The following PCDHA1 variants were observed in gnomAD, a reference collection of about 807,000 sequenced individuals.
PCDHA1 encodes protocadherin alpha-1.
Under a neutral mutation model 61.3 loss-of-function variants are expected in PCDHA1, and 42 were observed. That is an observed-to-expected ratio of 0.69 (90% CI 0.54 to 0.89). PCDHA1 has a LOEUF of 0.89. Ranked by LOEUF, PCDHA1 falls within the 40% of genes least tolerant of loss-of-function variation. PCDHA1 has a pLI of 0.00. For synonymous variants in PCDHA1, 610 were observed against 553.8 expected, an observed-to-expected ratio of 1.10 and a Z score of -1.43; for missense variants, 1,256 against 1,235.3, an observed-to-expected ratio of 1.02 and a Z score of -0.25.
At chr5:140,975,352 T>G (rs2096663445) in intron 1 of PCDHA1, among the ~76,000 whole-genome samples, 1 of 152,256 alleles carries the variant, frequency 6.6e-6, no homozygotes, top group African/African-American at 2.4e-5. Flanking sequence ...TAAAGCCAAC[T>G]GTGCTACATA....
intron 1 of PCDHA1, among the ~76,000 whole-genome samples, chr5:140,886,340 G>A (rs2060950327): frequency 6.6e-6 from 1 of 151,864 alleles, no homozygotes; most frequent in East Asian, 1.9e-4. Flanking sequence ...TGTGCAGAAC[G>A]TGCAGGTTTG....
intron 1 of PCDHA1, among the ~76,000 whole-genome samples, chr5:140,948,360 C>T (rs1258504765): frequency 6.6e-6 from 1 of 151,494 alleles, no homozygotes; most frequent in Non-Finnish European, 1.5e-5. Context: ...AATAAAATGA[C>T]TTAGGAGGTG....
intron 1 of PCDHA1, chr5:140,823,247 A>G: frequency 6.2e-7 from 1 of 1,613,366 alleles, no homozygotes; most frequent in Non-Finnish European, 8.5e-7. Context: ...CTGGTGTCCT[A>G]CTCGCTGGTG....
At chr5:140,884,908 T>C (rs1056953779) in intron 1 of PCDHA1, among the ~76,000 whole-genome samples, 1 of 152,234 alleles carries the variant, frequency 6.6e-6, no homozygotes, top group Admixed American at 6.5e-5. Flanking sequence ...TGTTGTATTC[T>C]TAATAGTTCT....
intron 1 of PCDHA1, chr5:140,803,159 C>G (rs200661884): frequency 3.7e-6 from 6 of 1,613,894 alleles, no homozygotes; most frequent in Non-Finnish European, 5.1e-6. Context: ...TGAAGGACCA[C>G]GGTGAACCCT....
At chr5:140,836,949 T>C in intron 1 of PCDHA1, 1 of 431,294 alleles carries the variant, frequency 2.3e-6, no homozygotes, top group Non-Finnish European at 4.0e-6. Context: ...TCAAAATCTA[T>C]GGTTTATGTT....
chr5:140,829,430 G>T, intron 1 of PCDHA1: 1 of 1,614,092 alleles, frequency 6.2e-7, no homozygotes, highest in Non-Finnish European at 8.5e-7. Flanking sequence ...GGAGGTGGCC[G>T]ACATGAATGA....
chr5:140,788,045 G>A lies in PCDHA1; in HGVS notation c.1755G>A (p.Val585=). The A allele has an allele frequency of 6.2e-7, 1 of 1,614,046 alleles. No individual in the cohort carries two copies. Among genetic ancestry groups the A allele is most frequent in the South Asian group, 1.1e-5 (1 of 91,084 alleles). ...GAVSELVPRL[V]GAGHVVAKVR... ...TCAGTGAGCTGGTGCCGCGATTGGT[G>A]GGTGCGGGTCATGTGGTGGCGAAGG... Residue 585 remains valine (V), a synonymous_variant, in exon 1 of 4, where the codon GTG becomes GTA. Coordinates refer to ENST00000504120, the MANE Select transcript of PCDHA1 (RefSeq NM_018900.4).
intron 1 of PCDHA1, among the ~76,000 whole-genome samples, chr5:140,974,407 A>T (rs1441174003): frequency 6.6e-6 from 1 of 152,244 alleles, no homozygotes; most frequent in African/African-American, 2.4e-5. Flanking sequence ...TTCTAAAGTT[A>T]TGTTTATTTT....
At chr5:140,927,596 G>C in intron 1 of PCDHA1, 3 of 1,614,162 alleles carry the variant, frequency 1.9e-6, no homozygotes, top group Non-Finnish European at 2.5e-6. Flanking sequence ...GTATTTGAGC[G>C]CTCCGTATAC....
At chr5:140,824,378 CT>C in intron 1 of PCDHA1, 1 of 565,876 alleles carries the variant, frequency 1.8e-6, no homozygotes, top group Non-Finnish European at 3.1e-6. Context: ...AATTTTGCAT[CT>C]CTAAAAATGT....
At chr5:140,858,742 T>A in intron 1 of PCDHA1, 1 of 467,252 alleles carries the variant, frequency 2.1e-6, no homozygotes, top group African/African-American at 2.0e-5. Flanking sequence ...ACTTTCATAA[T>A]CACTTTTCGT....
At chr5:140,869,391 C>CG (rs2051094995) in intron 1 of PCDHA1, 1 of 1,614,020 alleles carries the variant, frequency 6.2e-7, no homozygotes, top group Non-Finnish European at 8.5e-7. Context: ...AGGAGCTGTG[C>CG]GGGCAGAGCG....
chr5:140,798,135 G>A (rs906218997), intron 1 of PCDHA1, among the ~76,000 whole-genome samples: 27 of 152,136 alleles, frequency 1.8e-4, no homozygotes, highest in African/African-American at 5.6e-4. Context: ...GCCTCCCAAA[G>A]TGCTGGGATT....
At chr5:140,809,383 C>A (rs558389511) in intron 1 of PCDHA1, 4 of 1,614,038 alleles carry the variant, frequency 2.5e-6, no homozygotes, top group East Asian at 2.2e-5. Context: ...AGGGCGCGTG[C>A]GCTCCGGGCA....
At chr5:140,997,504 C>T (rs2097772452) in intron 3 of PCDHA1, among the ~76,000 whole-genome samples, 1 of 152,042 alleles carries the variant, frequency 6.6e-6, no homozygotes, top group South Asian at 2.1e-4. Flanking sequence ...TCTCAACATA[C>T]CTAAACGCAG....
Position 140,848,739 on chromosome 5 carries a change from G to A in PCDHA1, c.2394+60055G>A. On this transcript the variant is annotated intron_variant, in intron 1 of 3. Coordinates refer to ENST00000504120, the MANE Select transcript of PCDHA1 (RefSeq NM_018900.4). The stretch of plus-strand genomic sequence containing the variant: ...CCTTCTGGAGGTAAATCTGCAGAAT[G>A]GCATTTTGTTTGTGAATTCTCGGAT... The A allele has an allele frequency of 6.9e-6, 11 of 1,593,092 alleles. 1 individual carries two copies. The highest frequency in any genetic ancestry group is 9.5e-6 in the Non-Finnish European group (11 of 1,163,752).
At chr5:141,005,944 C>T (rs1563696119) in intron 3 of PCDHA1, among the ~76,000 whole-genome samples, 1 of 151,862 alleles carries the variant, frequency 6.6e-6, no homozygotes, top group African/African-American at 2.4e-5. Context: ...GAGAACCTAT[C>T]TCTAACAAAC....
intron 1 of PCDHA1, chr5:140,803,080 C>G: frequency 6.2e-7 from 1 of 1,613,930 alleles, no homozygotes; most frequent in Non-Finnish European, 8.5e-7. Flanking sequence ...GGGCTGTACA[C>G]GGGAGAGATC....
Sources: allele counts gnomAD v4.1 joint callset (sites outside exome capture counted in the v4.1 genomes callset), GRCh38; gene constraint gnomAD v4.1.1; transcripts MANE v1.5; gene names NCBI Gene and HGNC (gene_info 2026-07-23, HGNC 2026-07-21).